Variants in SLC15A2 observed in about 807,000 individuals in gnomAD.
SLC15A2 encodes the protein solute carrier family 15 member 2.
SLC15A2 carries 77 observed loss-of-function variants against 95.5 expected under a neutral mutation model. The ratio of observed to expected loss-of-function variants is 0.81; its 90% CI spans 0.67 to 0.97. SLC15A2 has a LOEUF of 0.97. SLC15A2 is among the 50% of genes least tolerant of loss of function. The pLI, the probability that SLC15A2 is intolerant of heterozygous loss-of-function variation, is 0.00. For synonymous variants in SLC15A2, 306 were observed against 306.9 expected (o/e 1.00, Z 0.03); for missense variants, 893 against 874.4 (o/e 1.02, Z -0.27).
At chr3:121,932,390 T>A (rs537105018) in intron 19 of SLC15A2, among the ~76,000 whole-genome samples, 1 of 152,340 alleles carries the variant, frequency 6.6e-6, no homozygotes, top group African/African-American at 2.4e-5. Flanking sequence ...AAAGTACTAA[T>A]GTCTTCTTGG....
At chr3:121,920,059 A>C (rs1224187386) in intron 7 of SLC15A2, among the ~76,000 whole-genome samples, 1 of 152,200 alleles carries the variant, frequency 6.6e-6, no homozygotes, top group African/African-American at 2.4e-5. Flanking sequence ...CATCTACTAG[A>C]AGGAGTAGAT....
chr3:121,939,319 A>G (rs764343372), intron 19 of SLC15A2, 30 bp from the exon 20 acceptor site: 2 of 1,456,518 alleles, frequency 1.4e-6, no homozygotes, highest in South Asian at 3.0e-5. Flanking sequence ...GACTACTGAC[A>G]AGTCCATTTC....
chr3:121,911,538 C>G, intron 3 of SLC15A2, 36 bp from the exon 4 acceptor site: 1 of 1,393,480 alleles, frequency 7.2e-7, no homozygotes, highest in Admixed American at 1.7e-5. Context: ...TCTCTCAGTT[C>G]TGGTTTTAGA....
At chr3:121,924,233 T>A in intron 11 of SLC15A2, 118 bp from the exon 12 acceptor site, 1 of 813,294 alleles carries the variant, frequency 1.2e-6, no homozygotes, top group South Asian at 1.5e-5. Context: ...ACCAAAGACC[T>A]GATGAATTTT....
chr3:121,902,463 A>G (rs150702950), intron 3 of SLC15A2, among the ~76,000 whole-genome samples: 49 of 152,116 alleles, frequency 3.2e-4, no homozygotes, highest in African/African-American at 8.9e-4. Context: ...GCACCCATGA[A>G]CTCGCCATTT....
chr3:121,924,805 G>C (rs1454028162), intron 12 of SLC15A2, 140 bp from the exon 13 acceptor site: 5 of 703,018 alleles, frequency 7.1e-6, no homozygotes, highest in Non-Finnish European at 1.3e-5. Flanking sequence ...ATGGACTGAG[G>C]AATGTGGAGT....
Position 121,922,285 on chromosome 3 carries a change from G to A in SLC15A2, c.763G>A (p.Val255Ile). ...CCCTGAAGGAAACATAGTGGCTCAA[G>A]TTTTCAAATGTATCTGGGTAAGTCC... ...PPPEGNIVAQ[V>I]FKCIWFAISN... is the part of the protein sequence containing the mutation. Residue 255 changes from valine to isoleucine, a missense_variant, in exon 8 of 22, where the codon GTT becomes ATT. Val to Ile is a conservative substitution (Grantham distance 29). Transcript: ENST00000489711. 1 of 1,613,802 alleles carries A rather than the reference G, an allele frequency of 6.2e-7. No homozygotes were observed. Among genetic ancestry groups the A allele is most frequent in the East Asian group, 2.2e-5 (1 of 44,866 alleles).
chr3:121,896,363 G>A, intron 1 of SLC15A2, 43 bp from the exon 2 acceptor site: 1 of 1,483,826 alleles, frequency 6.7e-7, no homozygotes, highest in South Asian at 1.1e-5. Flanking sequence ...TTGAAACAGG[G>A]AAAAACAGCT....
chr3:121,916,276 C>T (rs1490978398), intron 7 of SLC15A2, among the ~76,000 whole-genome samples: 5 of 152,050 alleles, frequency 3.3e-5, no homozygotes, highest in Admixed American at 6.5e-5. Flanking sequence ...TCTCTTTATC[C>T]CTGAGAACCC....
At position 121,922,177 on chromosome 3, in the gene SLC15A2, A is replaced by G. The variant is rs367874942; in HGVS notation, c.698-43A>G. ...ACTGCAATAACCTTTGCACCAACCTAATAAATGAGAAGCTAAGAACCTTGT... is the reference window on the plus strand; with the variant it reads ...ACTGCAATAACCTTTGCACCAACCTGATAAATGAGAAGCTAAGAACCTTGT... On this transcript the variant is annotated intron_variant, in intron 7 of 21. Transcript: ENST00000489711. The G allele has an allele frequency of 1.9e-5, 29 of 1,534,184 alleles. No individual in the cohort carries two copies. The African/African-American group carries it at 3.7e-4, about 20-fold the overall frequency.
chr3:121,930,708 T>C (rs1710215660), intron 17 of SLC15A2, 132 bp from the exon 18 acceptor site: 1 of 596,978 alleles, frequency 1.7e-6, no homozygotes, highest in East Asian at 2.8e-5. Context: ...TTAGGTACCT[T>C]TTATGTGCCA....
At chr3:121,929,417 G>A (rs1710187300) in intron 17 of SLC15A2, 69 bp downstream of exon 17, 3 of 1,507,554 alleles carry the variant, frequency 2.0e-6, no homozygotes, top group Non-Finnish European at 1.8e-6. Context: ...AATCTTTGGG[G>A]CTGCATTCTA....
chr3:121,923,413 TAAAG>T lies in SLC15A2; in HGVS notation c.1002+152_1002+155del. 5 of 711,346 alleles carry T rather than the reference TAAAG, an allele frequency of 7.0e-6. No individual in the cohort carries two copies. The South Asian group carries it at 9.6e-5, about 14-fold the overall frequency. The allele number at this position is 711,346 out of a possible 1,614,324, so 44.1% of individuals were successfully genotyped here. ...CCTGAAGGTACCGTGTAGGCAAAGA[TAAAG>T]AAAGCTAGTTTAGAAATAAAAACCA... is the stretch of plus-strand genomic sequence containing the variant. On this transcript the variant is annotated intron_variant, in intron 11 of 21. Transcript: ENST00000489711.
intron 3 of SLC15A2, among the ~76,000 whole-genome samples, chr3:121,909,953 C>T (rs1709728544): frequency 2.0e-5 from 3 of 150,826 alleles, no homozygotes; most frequent in African/African-American, 7.3e-5. Context: ...ACCGATCTTA[C>T]TACCCAGACT....
At chr3:121,907,549 C>T (rs1709677447) in intron 3 of SLC15A2, among the ~76,000 whole-genome samples, 1 of 152,114 alleles carries the variant, frequency 6.6e-6, no homozygotes, top group Admixed American at 6.6e-5. Flanking sequence ...TGTGGATGTC[C>T]TTTCTGTTGA....
Position 121,929,112 on chromosome 3 carries a change from T to C in SLC15A2, c.1472T>C (p.Ile491Thr), listed in dbSNP as rs1419593047. 6.2e-7 allele frequency: 1 copy of C among 1,613,766 alleles called. No individual in the cohort carries two copies. Among genetic ancestry groups the C allele is most frequent in the African/African-American group, 1.3e-5 (1 of 75,056 alleles). Residue 491 changes from isoleucine to threonine, a missense_variant, in exon 16 of 22, where the codon ATT becomes ACT. By Grantham distance (89) the Ile-to-Thr change is moderately conservative. Coordinates refer to ENST00000489711, the MANE Select transcript of SLC15A2 (RefSeq NM_021082.4). ...VQEKNWYSLVIREDGNSISSM... is the reference protein window; with the variant it reads ...VQEKNWYSLVTREDGNSISSM... ...GAGAAGAACTGGTACAGTCTTGTCA[T>C]TCGTGAAGATGGGAACAGTATCTCC...
At chr3:121,937,828 G>A (rs1466251444) in intron 19 of SLC15A2, among the ~76,000 whole-genome samples, 1 of 152,136 alleles carries the variant, frequency 6.6e-6, no homozygotes, top group Non-Finnish European at 1.5e-5. Flanking sequence ...TCCTTTGGAG[G>A]AGGAGAGGTG....
intron 19 of SLC15A2, among the ~76,000 whole-genome samples, chr3:121,938,756 G>A (rs1419315991): frequency 1.3e-5 from 2 of 152,204 alleles, no homozygotes; most frequent in South Asian, 2.1e-4. Flanking sequence ...ACTGTAGACC[G>A]GAGCTGTTCC....
intron 7 of SLC15A2, among the ~76,000 whole-genome samples, chr3:121,920,387 T>C (rs9810707): frequency 0.45 from 67,850 of 152,014 alleles, 15,673 homozygotes; most frequent in East Asian, 0.69. Flanking sequence ...CCTCCGCCTC[T>C]GAGGTTCAAG....
Sources: gnomAD v4.1 joint callset for allele counts (sites outside exome capture counted in the v4.1 genomes callset) on GRCh38, gnomAD v4.1.1 for gene constraint, MANE v1.5 for transcripts, NCBI Gene and HGNC (gene_info 2026-07-23, HGNC 2026-07-21) for gene names.